NUP42: variants seen among roughly 807,000 people sequenced by gnomAD.
NUP42 encodes the protein nucleoporin 42.
In NUP42, 47 loss-of-function variants were observed where a neutral mutation model predicts 35.9. The observed-to-expected ratio is 1.31, with a 90% CI of 1.04 to 1.67. NUP42 has a LOEUF of 1.67. Among genes scored for constraint, NUP42 ranks in the 40% most tolerant of loss-of-function variants. The probability of loss-of-function intolerance (pLI) is 0.00; values close to 1 mark genes in which losing one functional copy is unlikely to be tolerated. For missense variants in NUP42, 514 were observed against 492.2 expected (o/e 1.04, Z -0.42); for synonymous variants, 173 against 173.3 (o/e 1.00, Z 0.01).
rs144959659 is a variant in NUP42, at chr7:23,185,156, G to C, written c.208G>C (p.Gly70Arg). 3.5e-5 allele frequency: 56 copies of C among 1,614,064 alleles called. No individual in the cohort carries two copies. The highest frequency in any genetic ancestry group is 4.5e-5 in the East Asian group (2 of 44,890). Residue 70 changes from glycine (G) to arginine (R), a missense_variant, in exon 2 of 7, where the codon GGG becomes CGG. Transcript: ENST00000258742. Reference protein sequence around the residue: ...PSSFSKSTPWGGSRDQEKPYF... With the variant: ...PSSFSKSTPWRGSRDQEKPYF... ...CAGTTTCTCCAAATCCACACCATGG[G>C]GGGGCAGCAGAGATCAAGAAAAGCC...
chr7:23,185,350 C>T, intron 2 of NUP42, 52 bp downstream of exon 2: 1 of 1,203,542 alleles, frequency 8.3e-7, no homozygotes, highest in South Asian at 1.3e-5. Context: ...TGTTTTTTCA[C>T]CTACAATCTT....
chr7:23,197,930 G>A (rs1336004299), intron 5 of NUP42, among the ~76,000 whole-genome samples: 1 of 152,136 alleles, frequency 6.6e-6, no homozygotes, highest in East Asian at 1.9e-4. Context: ...AGCAGACAGA[G>A]TGGTTGCCAG....
chr7:23,184,134 A>C (rs1785512260), intron 1 of NUP42, among the ~76,000 whole-genome samples: 1 of 152,162 alleles, frequency 6.6e-6, no homozygotes, highest in Non-Finnish European at 1.5e-5. Flanking sequence ...GCTCATTTTG[A>C]TATTTATGAA....
intron 3 of NUP42, among the ~76,000 whole-genome samples, chr7:23,193,719 G>A (rs959176551): frequency 1.3e-5 from 2 of 152,248 alleles, no homozygotes; most frequent in Non-Finnish European, 2.9e-5. Context: ...CCAGTCCCGC[G>A]GTGTGTGCCC....
chr7:23,184,824 G>A (rs1785534345), intron 1 of NUP42, among the ~76,000 whole-genome samples: 1 of 152,012 alleles, frequency 6.6e-6, no homozygotes, highest in Admixed American at 6.6e-5. Flanking sequence ...CGGGCAATAT[G>A]GCAAGACCTT....
In NUP42 at chr7:23,195,015, C is replaced by T. The variant is rs150607642; in HGVS notation, c.446-824C>T. ...AGTTTTATATTCTAATTTTTGCTTT[C>T]AGTTTGTCTCTGGTACTAAAAATAT... On this transcript the variant is annotated intron_variant, in intron 3 of 6. Coordinates refer to ENST00000258742, the MANE Select transcript of NUP42 (RefSeq NM_007342.3). The T allele has an allele frequency of 3.7e-3, 569 of 152,346 alleles. 2 individuals carry two copies. The highest frequency in any genetic ancestry group is 0.012 in the African/African-American group (512 of 41,588). 9.4% of individuals were successfully genotyped at this position (152,346 alleles called of 1,614,324 possible). A position where few individuals can be genotyped will look rare whatever the true frequency, so the allele number is the denominator to read the frequency against.
rs767168365 is a variant in NUP42 at position 23,197,195 on chromosome 7, C to T, written c.609+429C>T. ...CAGAAATGCCTTTGGAAGATATATA[C>T]CCACCTGTCTCCAAAGATCTATGGT... On this transcript the variant is annotated intron_variant, in intron 5 of 6. Transcript: ENST00000258742. The T allele has an allele frequency of 3.1e-5, 40 of 1,300,308 alleles. No homozygotes were observed. In the African/African-American group the frequency reaches 5.6e-4, roughly 18 times the overall value. The allele number at this position is 1,300,308 out of a possible 1,614,324, so 80.5% of individuals were successfully genotyped here. A position where few individuals can be genotyped will look rare whatever the true frequency, so the allele number is the denominator to read the frequency against.
intron 1 of NUP42, among the ~76,000 whole-genome samples, chr7:23,184,647 A>G (rs1328950092): frequency 2.0e-5 from 3 of 152,238 alleles, no homozygotes; most frequent in Non-Finnish European, 4.4e-5. Flanking sequence ...GTTTAAATGT[A>G]GTGCTTGTTG....
intron 1 of NUP42, chr7:23,182,592 C>T (rs1785447291): frequency 1.2e-6 from 1 of 823,538 alleles, no homozygotes; most frequent in Non-Finnish European, 1.5e-6. Context: ...AAGTCGTGGA[C>T]TTCTTTGAAA....
At chr7:23,186,160 A>C (rs1409826114) in intron 2 of NUP42, among the ~76,000 whole-genome samples, 1 of 152,226 alleles carries the variant, frequency 6.6e-6, no homozygotes, top group Non-Finnish European at 1.5e-5. Flanking sequence ...TTTATGGTAA[A>C]ATTTATGGCT....
intron 5 of NUP42, chr7:23,198,144 G>A (rs929278261): frequency 6.6e-6 from 1 of 151,938 alleles, no homozygotes; most frequent in African/African-American, 2.4e-5. Context: ...CTACTCAGGA[G>A]GCTGAGGCAG....
At position 23,182,210 on chromosome 7, in the gene NUP42, A is replaced by C. The variant is rs73275829; in HGVS notation, c.121+4A>C. On this transcript the variant is annotated splice_donor_region_variant and intron_variant, in intron 1 of 6. Transcript: ENST00000258742. ...CAACCGCAGCAGCAGCCTTCAGGTG[A>C]CTCTCCTCTGAATCCTCCGCGGTAA... 3,621 of 1,603,886 alleles carry C rather than the reference A, an allele frequency of 2.3e-3. 74 individuals are homozygous for C. In the African/African-American group the frequency reaches 0.043, roughly 19 times the overall value.
chr7:23,192,546 C>CAA (rs200047613), intron 3 of NUP42, among the ~76,000 whole-genome samples: 2,241 of 65,242 alleles, frequency 0.034, 89 homozygotes, highest in African/African-American at 0.099. Context: ...GACTTCATCT[C>CAA]AAAAAAAAAA....
At chr7:23,192,559 A>AAG (rs1554296255) in intron 3 of NUP42, among the ~76,000 whole-genome samples, 12 of 151,884 alleles carry the variant, frequency 7.9e-5, no homozygotes, top group African/African-American at 2.9e-4. Flanking sequence ...AAAAAAAAAA[A>AAG]AAAAGAAAAA....
intron 3 of NUP42, among the ~76,000 whole-genome samples, chr7:23,190,072 G>A (rs993748307): frequency 2.6e-5 from 4 of 152,162 alleles, no homozygotes; most frequent in African/African-American, 4.8e-5. Context: ...ATAAACCAGT[G>A]AATGTTAATA....
At chr7:23,187,788 T>C (rs1477706080) in intron 3 of NUP42, among the ~76,000 whole-genome samples, 1 of 151,480 alleles carries the variant, frequency 6.6e-6, no homozygotes, top group Non-Finnish European at 1.5e-5. Flanking sequence ...TGTATTTTTC[T>C]AGAGACGGGG....
At chr7:23,190,191 G>A (rs1785743357) in intron 3 of NUP42, among the ~76,000 whole-genome samples, 5 of 152,172 alleles carry the variant, frequency 3.3e-5, no homozygotes, top group Admixed American at 1.3e-4. Context: ...AATGTCCACA[G>A]TTATTTGAAA....
At chr7:23,190,362 TAA>T (rs1785749308) in intron 3 of NUP42, among the ~76,000 whole-genome samples, 1 of 152,240 alleles carries the variant, frequency 6.6e-6, no homozygotes, top group Non-Finnish European at 1.5e-5. Context: ...TGTATAAACA[TAA>T]AGCAAGGCTA....
At chr7:23,188,936 C>T (rs570049871) in intron 3 of NUP42, among the ~76,000 whole-genome samples, 28 of 152,236 alleles carry the variant, frequency 1.8e-4, no homozygotes, top group African/African-American at 6.7e-4. Context: ...TGTTTAATGC[C>T]ATTTGAACTT....
Sources: allele counts gnomAD v4.1 joint callset (sites outside exome capture counted in the v4.1 genomes callset), GRCh38; gene constraint gnomAD v4.1.1; transcripts MANE v1.5; gene names NCBI Gene and HGNC (gene_info 2026-07-23, HGNC 2026-07-21).